Variants in PLCB4 observed in about 807,000 individuals in gnomAD.
PLCB4 encodes the protein phospholipase C beta 4, also known as 1-phosphatidylinositol 4,5-bisphosphate phosphodiesterase beta-4.
A neutral mutation model predicts 178.8 loss-of-function variants in PLCB4; 77 were observed. The observed-to-expected ratio is 0.43, with a 90% CI of 0.36 to 0.52. PLCB4 has a LOEUF of 0.52. PLCB4 is among the 20% of genes least tolerant of loss of function. The probability of loss-of-function intolerance (pLI) is 0.00; values close to 1 mark genes in which losing one functional copy is unlikely to be tolerated. For synonymous variants in PLCB4, 496 were observed against 490.8 expected, an observed-to-expected ratio of 1.01 and a Z score of -0.14; for missense variants, 1,024 against 1,453.4, an observed-to-expected ratio of 0.70 and a Z score of 4.80.
rs2043140913 is a variant in PLCB4 at position 9,457,675 on chromosome 20, G to A, written c.3072+186G>A. 3.3e-5 allele frequency among the ~76,000 whole-genome samples: 5 copies of A among 152,138 alleles called. No homozygotes were observed. In the South Asian group the frequency reaches 1.0e-3, roughly 32 times the overall value. On this transcript the variant is annotated intron_variant, in intron 34 of 39. Coordinates refer to ENST00000378473, the MANE Select transcript of PLCB4 (RefSeq NM_001377142.1). Reference sequence around the variant, plus strand: ...CTCAGACTCACTGGCTTTAAGAAGAGCCATTTCATGGAACATCTTCTTTTG... The same window carrying A: ...CTCAGACTCACTGGCTTTAAGAAGAACCATTTCATGGAACATCTTCTTTTG...
At chr20:9,163,926 C>T (rs1270486761) in intron 2 of PLCB4, among the ~76,000 whole-genome samples, 1 of 152,062 alleles carries the variant, frequency 6.6e-6, no homozygotes, top group Non-Finnish European at 1.5e-5. Flanking sequence ...TATTAGAAAT[C>T]ATAATGTAAA....
chr20:9,230,542 C>A (rs1408176121), intron 3 of PLCB4, among the ~76,000 whole-genome samples: 2 of 152,130 alleles, frequency 1.3e-5, no homozygotes, highest in Non-Finnish European at 2.9e-5. Flanking sequence ...CACAAAATAA[C>A]AAACTACCCT....
intron 3 of PLCB4, among the ~76,000 whole-genome samples, chr20:9,273,404 C>T (rs1264918111): frequency 6.6e-6 from 1 of 151,992 alleles, no homozygotes; most frequent in Non-Finnish European, 1.5e-5. Flanking sequence ...TGCTGAAGAT[C>T]ACACAGTTAT....
At chr20:9,181,457 A>G (rs1169015061) in intron 2 of PLCB4, among the ~76,000 whole-genome samples, 1 of 152,150 alleles carries the variant, frequency 6.6e-6, no homozygotes, top group African/African-American at 2.4e-5. Context: ...GCTATCACAA[A>G]ATGCCATAGA....
In PLCB4 at chr20:9,089,323, A is replaced by T. The variant is rs1371111679; in HGVS notation, c.-134-6964A>T. The stretch of plus-strand genomic sequence containing the variant: ...AGATTATATCTCAGTAGTGTCTAAG[A>T]TTTTTAAAAATAACTTTGGTACTTA... On this transcript the variant is annotated intron_variant, in intron 1 of 39. Transcript: ENST00000378473. Among the ~76,000 whole-genome samples the T allele has an allele frequency of 3.3e-5, 5 of 152,074 alleles. No homozygotes were observed. In the East Asian group the frequency reaches 9.6e-4, roughly 29 times the overall value.
intron 2 of PLCB4, among the ~76,000 whole-genome samples, chr20:9,148,580 C>A (rs1230442973): frequency 6.6e-6 from 1 of 152,104 alleles, no homozygotes; most frequent in Non-Finnish European, 1.5e-5. Context: ...CAGAGGACTT[C>A]TGAGCGGAGA....
chr20:9,209,664 T>G (rs2093651473), intron 2 of PLCB4, among the ~76,000 whole-genome samples: 1 of 151,730 alleles, frequency 6.6e-6, no homozygotes, highest in East Asian at 1.9e-4. Flanking sequence ...ACAGCCTGAG[T>G]GAACTTGTAA....
At chr20:9,379,081 T>C (rs576315655) in intron 12 of PLCB4, among the ~76,000 whole-genome samples, 1 of 152,276 alleles carries the variant, frequency 6.6e-6, no homozygotes, top group South Asian at 2.1e-4. Flanking sequence ...CAAACTTCCA[T>C]TGAGGTTTGC....
intron 12 of PLCB4, among the ~76,000 whole-genome samples, chr20:9,377,582 C>G (rs1013323511): frequency 1.3e-5 from 2 of 152,148 alleles, no homozygotes; most frequent in Non-Finnish European, 2.9e-5. Context: ...CTAGTGGGAG[C>G]AGAAGCAAAA....
At chr20:9,476,581 A>C in intron 38 of PLCB4, 136 bp from the exon 39 acceptor site, 1 of 623,984 alleles carries the variant, frequency 1.6e-6, no homozygotes, top group Non-Finnish European at 2.9e-6. Flanking sequence ...AGGGGTGTGT[A>C]CATGTTTTAT....
intron 39 of PLCB4, 133 bp downstream of exon 39, chr20:9,476,886 C>G (rs1269184187): frequency 1.6e-6 from 1 of 617,176 alleles, no homozygotes; most frequent in East Asian, 2.9e-5. Context: ...AAAAGCTTGA[C>G]TATTCCATGC....
chr20:9,478,798 C>T, intron 39 of PLCB4, 123 bp from the exon 40 acceptor site: 1 of 727,554 alleles, frequency 1.4e-6, no homozygotes, highest in Non-Finnish European at 2.5e-6. Flanking sequence ...GTACATGGAC[C>T]ATATTTTGAG....
chr20:9,178,692 T>C (rs185422363), intron 2 of PLCB4, among the ~76,000 whole-genome samples: 310 of 151,974 alleles, frequency 2.0e-3, no homozygotes, highest in Non-Finnish European at 3.5e-3. Flanking sequence ...TTAAAATACA[T>C]TATTTCACCC....
rs1306931832 is a variant in PLCB4, at chr20:9,399,008, AAGG to A, written c.1511-2479_1511-2477del. Among the ~76,000 whole-genome samples, 23 of 152,344 alleles carry A rather than the reference AAGG, an allele frequency of 1.5e-4. No homozygotes were observed. In the East Asian group the frequency reaches 1.9e-3, roughly 13 times the overall value. Reference sequence around the variant, plus strand: ...AGATATGCAAAAATACTTTTTTAAAAAGGAGAAAGAATAGAACGAATGAAAGTC... The same window carrying A: ...AGATATGCAAAAATACTTTTTTAAAAAGAAAGAATAGAACGAATGAAAGTC... On this transcript the variant is annotated intron_variant, in intron 19 of 39. Coordinates refer to ENST00000378473, the MANE Select transcript of PLCB4 (RefSeq NM_001377142.1).
chr20:9,291,692 T>C (rs1029633608), intron 3 of PLCB4, among the ~76,000 whole-genome samples: 3 of 152,150 alleles, frequency 2.0e-5, no homozygotes, highest in African/African-American at 7.2e-5. Flanking sequence ...GTGGAACAAT[T>C]TTGGGCGCAT....
chr20:9,314,138 G>A (rs2094870751), intron 4 of PLCB4, among the ~76,000 whole-genome samples: 1 of 152,218 alleles, frequency 6.6e-6, no homozygotes, highest in African/African-American at 2.4e-5. Flanking sequence ...GGGTAGGGCA[G>A]TGGAGTACAG....
chr20:9,308,377 C>G (rs2094795003), intron 4 of PLCB4, among the ~76,000 whole-genome samples: 1 of 152,150 alleles, frequency 6.6e-6, no homozygotes, highest in East Asian at 1.9e-4. Context: ...CATTTATTGT[C>G]TGTGCCCTTG....
intron 7 of PLCB4, among the ~76,000 whole-genome samples, chr20:9,342,186 T>A (rs1176685920): frequency 2.6e-5 from 4 of 152,198 alleles, no homozygotes; most frequent in African/African-American, 9.7e-5. Context: ...TTTCTATTCC[T>A]CTATATGTGT....
intron 3 of PLCB4, among the ~76,000 whole-genome samples, chr20:9,266,203 C>G (rs1035201764): frequency 4.6e-5 from 7 of 152,204 alleles, no homozygotes; most frequent in African/African-American, 1.7e-4. Flanking sequence ...CTCTGGAGAA[C>G]TGCAGAATCT....
Sources: gnomAD v4.1 joint callset for allele counts (sites outside exome capture counted in the v4.1 genomes callset) on GRCh38, gnomAD v4.1.1 for gene constraint, MANE v1.5 for transcripts, NCBI Gene and HGNC (gene_info 2026-07-23, HGNC 2026-07-21) for gene names.